Variants in MGAT4C observed in about 807,000 individuals in gnomAD.
The protein encoded by MGAT4C is alpha-1,3-mannosyl-glycoprotein 4-beta-N-acetylglucosaminyltransferase C.
Under a neutral mutation model 40.1 loss-of-function variants are expected in MGAT4C, and 19 were observed. That is an observed-to-expected ratio of 0.47 (90% CI 0.33 to 0.70). The LOEUF is 0.70. Ranked by LOEUF, MGAT4C falls within the 30% of genes least tolerant of loss-of-function variation. The probability of loss-of-function intolerance (pLI) is 0.02; values close to 1 mark genes in which losing one functional copy is unlikely to be tolerated. For synonymous variants in MGAT4C, 181 were observed against 187.1 expected (o/e 0.97, Z 0.27); for missense variants, 491 against 563.2 (o/e 0.87, Z 1.30).
At chr12:86,463,668 TTTTA>T (rs1255971568) in intron 2 of MGAT4C, among the ~76,000 whole-genome samples, 4 of 152,176 alleles carry the variant, frequency 2.6e-5, no homozygotes, top group Non-Finnish European at 5.9e-5. Context: ...GAACATTCAT[TTTTA>T]TTTGTTTTAA....
intron 1 of MGAT4C, among the ~76,000 whole-genome samples, chr12:86,111,718 C>T (rs1233588275): frequency 6.6e-6 from 1 of 151,784 alleles, no homozygotes; most frequent in Non-Finnish European, 1.5e-5. Flanking sequence ...AGAGTGGCTA[C>T]ATGCTTTTCA....
chr12:86,262,497 C>A (rs923498229), intron 4 of MGAT4C, among the ~76,000 whole-genome samples: 7 of 146,234 alleles, frequency 4.8e-5, no homozygotes, highest in Admixed American at 6.7e-5. Context: ...CTTTAAGTGA[C>A]CTTATATCCT....
chr12:86,737,776 C>A (rs1224168034), intron 1 of MGAT4C, among the ~76,000 whole-genome samples: 1 of 151,208 alleles, frequency 6.6e-6, no homozygotes, highest in Non-Finnish European at 1.5e-5. Flanking sequence ...AACAGACTTC[C>A]TTTAGTCTTT....
chr12:86,509,329 ATT>A (rs1958530658), intron 2 of MGAT4C, among the ~76,000 whole-genome samples: 1 of 152,074 alleles, frequency 6.6e-6, no homozygotes, highest in East Asian at 1.9e-4. Flanking sequence ...TCCTTTCCCC[ATT>A]GCTTGTTTTT....
At chr12:86,491,182 C>T (rs1334774330) in intron 2 of MGAT4C, among the ~76,000 whole-genome samples, 1 of 151,990 alleles carries the variant, frequency 6.6e-6, no homozygotes, top group African/African-American at 2.4e-5. Context: ...GAGTCCAGGA[C>T]CAGATGGATT....
At chr12:86,729,748 G>T (rs1307797324) in intron 1 of MGAT4C, among the ~76,000 whole-genome samples, 2 of 151,988 alleles carry the variant, frequency 1.3e-5, no homozygotes, top group African/African-American at 2.4e-5. Flanking sequence ...AAAAAATGTT[G>T]TACAACACTT....
intron 1 of MGAT4C, among the ~76,000 whole-genome samples, chr12:86,790,670 A>G (rs1593209851): frequency 6.6e-6 from 1 of 152,158 alleles, no homozygotes; most frequent in East Asian, 1.9e-4. Context: ...AGTTTCATAC[A>G]GTATTGAGAA....
chr12:86,388,838 T>C (rs1015708753), intron 3 of MGAT4C, among the ~76,000 whole-genome samples: 12 of 151,842 alleles, frequency 7.9e-5, no homozygotes, highest in African/African-American at 2.7e-4. Flanking sequence ...CCAGCCACCA[T>C]GCCTGGCTAA....
Position 86,408,072 on chromosome 12 carries a change from T to C in MGAT4C, c.-120+27085A>G, listed in dbSNP as rs1447752534. 2.6e-5 allele frequency among the ~76,000 whole-genome samples: 4 copies of C among 152,092 alleles called. No individual in the cohort carries two copies. The East Asian group carries it at 5.8e-4, about 22-fold the overall frequency. On this transcript the variant is annotated intron_variant, in intron 3 of 7. Transcript: ENST00000548651. The stretch of plus-strand genomic sequence containing the variant: ...GATTAAACATTCTTCCTGTAATTGA[T>C]GGTATCAAGACACACACACACACAT...
At chr12:86,459,026 C>T (rs1382537846) in intron 2 of MGAT4C, among the ~76,000 whole-genome samples, 3 of 151,912 alleles carry the variant, frequency 2.0e-5, no homozygotes, top group African/African-American at 4.8e-5. Context: ...AATGAGAAGG[C>T]ATTTTGAGAA....
intron 1 of MGAT4C, among the ~76,000 whole-genome samples, chr12:86,782,551 T>G (rs1951865027): frequency 1.3e-5 from 2 of 152,268 alleles, no homozygotes; most frequent in African/African-American, 2.4e-5. Flanking sequence ...ACGAATGTTG[T>G]TATTAGTAGT....
intron 2 of MGAT4C, among the ~76,000 whole-genome samples, chr12:86,038,753 T>C (rs1289118920): frequency 6.7e-6 from 1 of 149,836 alleles, no homozygotes; most frequent in African/African-American, 2.4e-5. Flanking sequence ...AATATTGTTA[T>C]GTGAGTTTGA....
intron 4 of MGAT4C, among the ~76,000 whole-genome samples, chr12:86,295,951 C>A (rs1282282534): frequency 5.4e-5 from 8 of 148,292 alleles, no homozygotes; most frequent in African/African-American, 2.0e-4. Context: ...CTCTCCAAGG[C>A]CCCACCAGAG....
In MGAT4C at chr12:86,608,707, T is replaced by TA. The variant is rs527856945; in HGVS notation, c.-229+118501dup. 4.7e-3 allele frequency among the ~76,000 whole-genome samples: 692 copies of TA among 146,018 alleles called. 5 individuals are homozygous for TA. The highest frequency in any genetic ancestry group is 0.014 in the Middle Eastern group (4 of 278). The stretch of plus-strand genomic sequence containing the variant: ...GCAATATTTTAAATAAACCAGTATG[T>TA]AAAAAAAAAAAATAACCAACTTGAT... On this transcript the variant is annotated intron_variant, in intron 2 of 7. Coordinates refer to the MGAT4C transcript ENST00000548651.
intron 3 of MGAT4C, among the ~76,000 whole-genome samples, chr12:86,367,582 A>G (rs566154028): frequency 2.0e-5 from 3 of 152,196 alleles, no homozygotes; most frequent in African/African-American, 7.2e-5. Flanking sequence ...GGTGGATCAC[A>G]AGGTCAGGAG....
chr12:86,484,387 C>T (rs1489564416), intron 2 of MGAT4C, among the ~76,000 whole-genome samples: 1 of 152,232 alleles, frequency 6.6e-6, no homozygotes, highest in East Asian at 1.9e-4. Flanking sequence ...TGCCTGCTAG[C>T]CTGGCTTAAG....
intron 3 of MGAT4C, among the ~76,000 whole-genome samples, chr12:86,388,166 A>G (rs1956093106): frequency 6.6e-6 from 1 of 152,166 alleles, no homozygotes; most frequent in South Asian, 2.1e-4. Flanking sequence ...AATAGAATAG[A>G]GTTCTCATTC....
At chr12:86,660,163 C>G (rs1315275725) in intron 2 of MGAT4C, among the ~76,000 whole-genome samples, 1 of 152,072 alleles carries the variant, frequency 6.6e-6, no homozygotes, top group Non-Finnish European at 1.5e-5. Flanking sequence ...CCTTGATGAT[C>G]ATTCCAAAGA....
At chr12:86,817,318 A>G (rs1952625352) in intron 1 of MGAT4C, among the ~76,000 whole-genome samples, 1 of 151,476 alleles carries the variant, frequency 6.6e-6, no homozygotes, top group Admixed American at 6.6e-5. Context: ...AAAATTATTA[A>G]AAATTGTTTT....
Sources: gnomAD v4.1 joint callset for allele counts (sites outside exome capture counted in the v4.1 genomes callset) on GRCh38, gnomAD v4.1.1 for gene constraint, MANE v1.5 for transcripts, NCBI Gene and HGNC (gene_info 2026-07-23, HGNC 2026-07-21) for gene names.